ACAD9: variants seen among roughly 807,000 people sequenced by gnomAD.
ACAD9 encodes complex I assembly factor ACAD9, mitochondrial.
In ACAD9, 53 loss-of-function variants were observed where a neutral mutation model predicts 70.2. The ratio of observed to expected loss-of-function variants is 0.75; its 90% CI spans 0.61 to 0.95. The LOEUF (loss-of-function observed/expected upper bound fraction) is 0.95, where lower values mean the gene tolerates loss of function less well. Among genes scored for constraint, ACAD9 ranks in the 40% least tolerant of loss-of-function variants. The probability of loss-of-function intolerance (pLI) is 0.00; values close to 1 mark genes in which losing one functional copy is unlikely to be tolerated. For missense variants in ACAD9, 777 were observed against 802.8 expected (o/e 0.97, Z 0.39); for synonymous variants, 313 against 312.1 (o/e 1.00, Z -0.03).
At chr3:128,886,227 CAA>C (rs1935241272) in intron 2 of ACAD9, among the ~76,000 whole-genome samples, 1 of 150,846 alleles carries the variant, frequency 6.6e-6, no homozygotes, top group African/African-American at 2.4e-5. Context: ...CTCAGCCTCC[CAA>C]GTATCTGGGA....
chr3:128,904,591 C>T, intron 11 of ACAD9, 86 bp downstream of exon 11: 4 of 1,543,476 alleles, frequency 2.6e-6, no homozygotes, highest in Non-Finnish European at 3.5e-6. Context: ...CATGCTGTTG[C>T]CTGTCATCTT....
chr3:128,910,417 G>A (rs897572364), intron 16 of ACAD9: 24 of 1,342,872 alleles, frequency 1.8e-5, no homozygotes, highest in Middle Eastern at 2.4e-4. Flanking sequence ...CACATTGCCC[G>A]CTGTGCTGGA....
chr3:128,880,329 A>G (rs1355598254), intron 1 of ACAD9, among the ~76,000 whole-genome samples: 2 of 152,230 alleles, frequency 1.3e-5, no homozygotes, highest in Non-Finnish European at 2.9e-5. Context: ...AACCCAGCCA[A>G]TAGTAACAGT....
chr3:128,910,135 A>AACCACG lies in ACAD9; in HGVS notation c.1686_1691dup (p.Asp562_His563dup), dbSNP rs1448236232. The AACCACG allele has an allele frequency of 6.2e-7, 1 of 1,614,048 alleles. No homozygotes were observed. The highest frequency in any genetic ancestry group is 8.5e-7 in the Non-Finnish European group (1 of 1,180,032). On this transcript the variant is annotated inframe_insertion, in exon 16 of 18. Transcript: ENST00000308982. ...CCGCTCCATCCGCATTGGGCTCCGC[A>AACCACG]ACCACGACCACGAGGTGAGCCCAGC... is the stretch of plus-strand genomic sequence containing the variant.
At position 128,908,910 on chromosome 3, in the gene ACAD9, T is replaced by C. The variant is rs876754; in HGVS notation, c.1359-63T>C. 540,659 of 1,612,284 alleles carry C rather than the reference T, an allele frequency of 0.34. 99,294 individuals are homozygous for C. Among genetic ancestry groups the C allele is most frequent in the African/African-American group, 0.71 (53,528 of 74,994 alleles). ...GAGCTTCTGGGTGCCGAATGGGCCA[T>C]GTTGCTGGACAGTGAGCGCCAGCAG... On this transcript the variant is annotated intron_variant, in intron 13 of 17. Coordinates refer to ENST00000308982, the MANE Select transcript of ACAD9 (RefSeq NM_014049.5).
At position 128,908,889 on chromosome 3, in the gene ACAD9, T is replaced by G. The variant is rs2107662459; in HGVS notation, c.1359-84T>G. The stretch of plus-strand genomic sequence containing the variant: ...CCCAGGCCAGAGGGGGGCACGGAGC[T>G]TCTGGGTGCCGAATGGGCCATGTTG... On this transcript the variant is annotated intron_variant, in intron 13 of 17. Transcript: ENST00000308982. 2.5e-6 allele frequency: 4 copies of G among 1,609,026 alleles called. No individual in the cohort carries two copies. In the South Asian group the frequency reaches 4.4e-5, roughly 18 times the overall value.
At chr3:128,904,199 G>A in intron 10 of ACAD9, 67 bp downstream of exon 10, 1 of 1,589,680 alleles carries the variant, frequency 6.3e-7, no homozygotes, top group Non-Finnish European at 8.6e-7. Flanking sequence ...TTCTTTTGAT[G>A]TCTCTGTACT....
chr3:128,897,855 A>T, intron 6 of ACAD9, 145 bp downstream of exon 6: 1 of 817,658 alleles, frequency 1.2e-6, no homozygotes, highest in Non-Finnish European at 2.0e-6. Context: ...TTTGTTTTTA[A>T]TTTTTTTTAG....
Position 128,910,750 on chromosome 3 carries a change from G to A in ACAD9, c.1702G>A (p.Ala568Thr), listed in dbSNP as rs1384711854. 6 of 1,614,068 alleles carry A rather than the reference G, an allele frequency of 3.7e-6. No homozygotes were observed. Among genetic ancestry groups the A allele is most frequent in the Non-Finnish European group, 8.5e-7 (1 of 1,180,042 alleles). ...TCCTCGGTTCTGGCAGGTTCTCTTG[G>A]CCAACACCTTCTGCGTGGAAGCTTA... The part of the protein sequence containing the change: ...LRNHDHEVLL[A>T]NTFCVEAYLQ... Residue 568 changes from alanine to threonine, a missense_variant, in exon 17 of 18, where the codon GCC (alanine) becomes ACC (threonine). By Grantham distance (58) the Ala-to-Thr change is moderately conservative (BLOSUM62 0). Coordinates refer to ENST00000308982, the MANE Select transcript of ACAD9 (RefSeq NM_014049.5).
Position 128,902,752 on chromosome 3 carries a change from C to T in ACAD9, c.958+124C>T. On this transcript the variant is annotated intron_variant, in intron 9 of 17. Transcript: ENST00000308982. The surrounding 1 kb of genome is among the most constrained non-coding windows in gnomAD (Gnocchi z 4.0). ...TGCTGAACCAGGCTACCAGCCTGAG[C>T]TCAGTCCCTGGGCTTTTGTGGAGAC... The T allele has an allele frequency of 1.8e-6, 2 of 1,123,430 alleles. No homozygotes were observed. Among genetic ancestry groups the T allele is most frequent in the Non-Finnish European group, 2.6e-6 (2 of 758,634 alleles). The allele number at this position is 1,123,430 out of a possible 1,614,324, so 69.6% of individuals were successfully genotyped here. A position where few individuals can be genotyped will look rare whatever the true frequency, so the allele number is the denominator to read the frequency against.
intron 1 of ACAD9, chr3:128,880,191 T>A (rs570767333): frequency 2.0e-4 from 95 of 472,734 alleles, no homozygotes; most frequent in African/African-American, 1.8e-3. Flanking sequence ...CTAAACAGCT[T>A]ACACCATGTC....
Position 128,910,169 on chromosome 3 carries a change from A to G in ACAD9, c.1692+20A>G. 4 of 1,613,918 alleles carry G rather than the reference A, an allele frequency of 2.5e-6. No individual in the cohort carries two copies. Among genetic ancestry groups the G allele is most frequent in the Non-Finnish European group, 3.4e-6 (4 of 1,180,036 alleles). ...CACGAGGTGAGCCCAGCCCAGCCTC[A>G]CACAGGGCCTGGCTGCTGCCATCTG... On this transcript the variant is annotated intron_variant, in intron 16 of 17. Coordinates refer to ENST00000308982, the MANE Select transcript of ACAD9 (RefSeq NM_014049.5).
chr3:128,890,771 AT>A (rs1183261981), intron 2 of ACAD9, among the ~76,000 whole-genome samples: 2 of 152,310 alleles, frequency 1.3e-5, no homozygotes, highest in African/African-American at 4.8e-5. Flanking sequence ...GCATTTCTTT[AT>A]CAATTTTACA....
At chr3:128,901,845 ATGT>A (rs1470673253) in intron 8 of ACAD9, among the ~76,000 whole-genome samples, 4 of 152,330 alleles carry the variant, frequency 2.6e-5, no homozygotes, top group Admixed American at 1.3e-4. Context: ...CCAAAAAGAA[ATGT>A]TGTACCATCC....
rs115131918 is a variant in ACAD9 at position 128,897,786 on chromosome 3, C to T, written c.633+76C>T. On this transcript the variant is annotated intron_variant, in intron 6 of 17. Transcript: ENST00000308982. ...TGCCACTGAGTGAGCACTCTCCACACACCAGGGATTGTACCTGCTGCTGTA... is the reference window on the plus strand; with the variant it reads ...TGCCACTGAGTGAGCACTCTCCACATACCAGGGATTGTACCTGCTGCTGTA... The T allele has an allele frequency of 1.1e-5, 14 of 1,310,762 alleles. No homozygotes were observed. The South Asian group carries it at 1.6e-4, about 15-fold the overall frequency. 81.2% of individuals were successfully genotyped at this position (1,310,762 alleles called of 1,614,324 possible). A position where few individuals can be genotyped will look rare whatever the true frequency, so the allele number is the denominator to read the frequency against.
In ACAD9 at chr3:128,906,262, G is replaced by A. The variant is rs376945525; in HGVS notation, c.1278+13G>A. 4.1e-5 allele frequency: 66 copies of A among 1,612,222 alleles called. No individual in the cohort carries two copies. The highest frequency in any genetic ancestry group is 8.9e-5 in the East Asian group (4 of 44,762). ...CCTCATCTTCGAGGTGAGTGGCCCC[G>A]CCACCAGCTAAGCTGTGCTCCACCC... On this transcript the variant is annotated intron_variant, in intron 12 of 17. Coordinates refer to ENST00000308982, the MANE Select transcript of ACAD9 (RefSeq NM_014049.5).
Position 128,879,654 on chromosome 3 carries a change from G to A in ACAD9, c.-38G>A, listed in dbSNP as rs748360419. Reference sequence around the variant, plus strand: ...GTGTGTGTCCCTGCGGCGCTAAGAAGGGGAGACTGAGGCTGAGGCTGGGGA... The same window carrying A: ...GTGTGTGTCCCTGCGGCGCTAAGAAAGGGAGACTGAGGCTGAGGCTGGGGA... On this transcript the variant is annotated 5_prime_UTR_variant, in exon 1 of 18. Transcript: ENST00000308982. 1 of 1,607,310 alleles carries A rather than the reference G, an allele frequency of 6.2e-7. No homozygotes were observed. Among genetic ancestry groups the A allele is most frequent in the Admixed American group, 1.7e-5 (1 of 59,942 alleles).
At chr3:128,893,460 G>T in intron 2 of ACAD9, 95 bp from the exon 3 acceptor site, 1 of 991,150 alleles carries the variant, frequency 1.0e-6, no homozygotes, top group Admixed American at 2.2e-5. Context: ...TCTACTCTGG[G>T]ATTATATATG....
chr3:128,891,943 C>T (rs1935432886), intron 2 of ACAD9, among the ~76,000 whole-genome samples: 1 of 152,138 alleles, frequency 6.6e-6, no homozygotes, highest in Non-Finnish European at 1.5e-5. Flanking sequence ...GTTGTACACC[C>T]ATACAGTGAA....
Sources: allele counts gnomAD v4.1 joint callset (sites outside exome capture counted in the v4.1 genomes callset), GRCh38; gene constraint gnomAD v4.1.1; non-coding constraint Gnocchi (gnomAD v3.1); transcripts MANE v1.5; gene names NCBI Gene and HGNC (gene_info 2026-07-23, HGNC 2026-07-21).